Variants in CTBP2 observed in about 807,000 individuals in gnomAD.
CTBP2 encodes the protein C-terminal binding protein 2.
Under a neutral mutation model 80.3 loss-of-function variants are expected in CTBP2, and 30 were observed. The observed-to-expected ratio is 0.37, with a 90% confidence interval of 0.28 to 0.51. CTBP2 has a LOEUF of 0.51. Among genes scored for constraint, CTBP2 ranks in the 20% least tolerant of loss-of-function variants. The probability of loss-of-function intolerance (pLI) is 0.93; values close to 1 mark genes in which losing one functional copy is unlikely to be tolerated. For missense variants in CTBP2, 1,212 were observed against 1,375.3 expected, an observed-to-expected ratio of 0.88 and a Z score of 1.88; for synonymous variants, 594 against 587.4, an observed-to-expected ratio of 1.01 and a Z score of -0.16.
intron 3 of CTBP2, 62 bp downstream of exon 3, chr10:125,038,935 C>G: frequency 6.5e-7 from 1 of 1,540,208 alleles, no homozygotes; most frequent in South Asian, 1.2e-5. Context: ...AAGGGAGCAG[C>G]CAGCGAAGAT....
chr10:125,115,285 G>A (rs541923000), intron 1 of CTBP2, among the ~76,000 whole-genome samples: 6 of 152,268 alleles, frequency 3.9e-5, no homozygotes, highest in African/African-American at 1.2e-4. Flanking sequence ...ACCACTGTGC[G>A]CTGTGTTCCT....
At position 125,092,990 on chromosome 10, in the gene CTBP2, C is replaced by T. The variant is rs866461512; in HGVS notation, c.-102+18000G>A. Among the ~76,000 whole-genome samples the T allele has an allele frequency of 8.5e-5, 13 of 152,262 alleles. No homozygotes were observed. In the Middle Eastern group the frequency reaches 0.01, roughly 120 times the overall value. On this transcript the variant is annotated intron_variant, in intron 2 of 10. Transcript: ENST00000337195. ...CTCAGGACCCAACACCAGCCCCAACCGTTACGTGGTGCTTGAATGGCACTC... is the reference window on the plus strand; with the variant it reads ...CTCAGGACCCAACACCAGCCCCAACTGTTACGTGGTGCTTGAATGGCACTC...
intron 3 of CTBP2, chr10:125,000,357 C>T (rs1954287015): frequency 6.6e-6 from 1 of 152,254 alleles, no homozygotes; most frequent in Admixed American, 6.5e-5. Context: ...TCAAGTGCCA[C>T]ACGATGGGTG....
At chr10:125,082,562 A>ATCC (rs968378370) in intron 2 of CTBP2, among the ~76,000 whole-genome samples, 5 of 150,000 alleles carry the variant, frequency 3.3e-5, no homozygotes, top group Admixed American at 1.3e-4. Flanking sequence ...TGCACACTGT[A>ATCC]TCCATGATCA....
At chr10:125,030,825 A>G (rs2134777142), upstream of CTBP2, among the ~76,000 whole-genome samples, 2 of 152,270 alleles carry the variant, frequency 1.3e-5, 1 homozygote, top group South Asian at 4.1e-4. Context: ...TTCCCAACTG[A>G]AGGAACTTAA....
At chr10:125,038,073 G>A (rs1234839068) in intron 3 of CTBP2, among the ~76,000 whole-genome samples, 1 of 152,188 alleles carries the variant, frequency 6.6e-6, no homozygotes, top group East Asian at 1.9e-4. Flanking sequence ...TGTTCTTGCA[G>A]CGCAGAGTTC....
At chr10:125,119,385 C>G (rs932313070) in intron 1 of CTBP2, among the ~76,000 whole-genome samples, 5 of 152,156 alleles carry the variant, frequency 3.3e-5, no homozygotes, top group African/African-American at 9.7e-5. Context: ...CCACTCTCCC[C>G]CTAGGGAATC....
At chr10:125,107,581 G>A (rs1342117742) in intron 2 of CTBP2, among the ~76,000 whole-genome samples, 5 of 152,216 alleles carry the variant, frequency 3.3e-5, no homozygotes, top group Non-Finnish European at 5.9e-5. Context: ...GCAGGCTAGA[G>A]GACCAATGAT....
intron 3 of CTBP2, among the ~76,000 whole-genome samples, chr10:125,002,132 G>C (rs1954605479): frequency 6.6e-6 from 1 of 152,204 alleles, no homozygotes; most frequent in African/African-American, 2.4e-5. Context: ...GGTGCCTCAT[G>C]AATTTGGGGC....
Position 125,103,531 on chromosome 10 carries a change from G to T in CTBP2, c.-102+7459C>A, listed in dbSNP as rs1346029517. 2.0e-5 allele frequency among the ~76,000 whole-genome samples: 3 copies of T among 152,192 alleles called. No individual in the cohort carries two copies. The East Asian group carries it at 5.8e-4, about 29-fold the overall frequency. ...CACCCTTGGCTGCTGCACTAAGAGGGACTGAAGACTCCCTCCAGACAACAG... is the reference window on the plus strand; with the variant it reads ...CACCCTTGGCTGCTGCACTAAGAGGTACTGAAGACTCCCTCCAGACAACAG... On this transcript the variant is annotated intron_variant, in intron 2 of 10. Coordinates refer to the CTBP2 transcript ENST00000337195.
At chr10:125,159,926 C>A in intron 1 of CTBP2, 1 of 154,344 alleles carries the variant, frequency 6.5e-6, no homozygotes, top group Non-Finnish European at 1.4e-5. Context: ...GCCGCCGCCG[C>A]TGCCCTCCGG....
intron 1 of CTBP2, among the ~76,000 whole-genome samples, chr10:125,003,836 C>T (rs1465521215): frequency 6.6e-6 from 1 of 150,886 alleles, no homozygotes; most frequent in Non-Finnish European, 1.5e-5. Flanking sequence ...TGCACCGGCA[C>T]CAGCTGCCCC....
In CTBP2 at chr10:124,986,883, A is replaced by G. The variant is rs994625810; in HGVS notation, c.*2635T>C. ...AGCCATTGCAGTCTGCATTGCAGCC[A>G]GCGTTGTCCAGAGTACACGCTCAGC... On this transcript the variant is annotated 3_prime_UTR_variant, in exon 9 of 9. Coordinates refer to ENST00000309035, the MANE Select transcript of CTBP2 (RefSeq NM_022802.3). 1 of 18,638 alleles carries G rather than the reference A, an allele frequency of 5.4e-5. No homozygotes were observed. Among genetic ancestry groups the G allele is most frequent in the African/African-American group, 1.5e-4 (1 of 6,858 alleles). 1.2% of individuals were successfully genotyped at this position (18,638 alleles called of 1,614,324 possible). A position where few individuals can be genotyped will look rare whatever the true frequency, so the allele number is the denominator to read the frequency against.
Position 125,108,705 on chromosome 10 carries a change from C to T in CTBP2, c.-102+2285G>A, listed in dbSNP as rs896727735. 1.6e-4 allele frequency among the ~76,000 whole-genome samples: 16 copies of T among 97,170 alleles called. No individual in the cohort carries two copies. In the Admixed American group the frequency reaches 2.2e-3, roughly 13 times the overall value. 63.7% of individuals were successfully genotyped at this position (97,170 alleles called of 152,430 possible). A position where few individuals can be genotyped will look rare whatever the true frequency, so the allele number is the denominator to read the frequency against. ...TGGTCAGGGGAGAAGTTTTATCCTG[C>T]TTCTGGGGTGGGCTGGGCGGGGAGC... On this transcript the variant is annotated intron_variant, in intron 2 of 10. Transcript: ENST00000337195.
chr10:125,085,359 C>T (rs192699152), intron 2 of CTBP2, among the ~76,000 whole-genome samples: 8 of 152,340 alleles, frequency 5.3e-5, no homozygotes, highest in East Asian at 1.9e-4. Flanking sequence ...AAAGTCATTA[C>T]GGCAGGATCC....
intron 2 of CTBP2, among the ~76,000 whole-genome samples, chr10:125,082,869 G>T (rs1469114813): frequency 6.6e-6 from 1 of 152,316 alleles, no homozygotes; most frequent in East Asian, 1.9e-4. Context: ...GATTATAGGC[G>T]TGAGCCCCTG....
At chr10:125,127,237 C>T (rs987999218) in intron 1 of CTBP2, among the ~76,000 whole-genome samples, 4 of 152,142 alleles carry the variant, frequency 2.6e-5, no homozygotes, top group Admixed American at 6.5e-5. Flanking sequence ...TCTGCTCACC[C>T]GCAACCACTG....
intron 2 of CTBP2, among the ~76,000 whole-genome samples, chr10:125,050,248 C>T (rs1008203242): frequency 1.6e-4 from 24 of 152,296 alleles, no homozygotes; most frequent in Non-Finnish European, 1.8e-4. Context: ...CTGTCTCCTG[C>T]GACAGGTCGT....
chr10:125,130,528 C>G (rs770161973), intron 1 of CTBP2, among the ~76,000 whole-genome samples: 6 of 152,204 alleles, frequency 3.9e-5, no homozygotes, highest in Non-Finnish European at 8.8e-5. Context: ...TGGGACTTCT[C>G]AATCTGAAGT....
Sources: allele counts gnomAD v4.1 joint callset (sites outside exome capture counted in the v4.1 genomes callset), GRCh38; gene constraint gnomAD v4.1.1; transcripts MANE v1.5; gene names NCBI Gene and HGNC (gene_info 2026-07-23, HGNC 2026-07-21).